BCAS3: variants seen among roughly 807,000 people sequenced by gnomAD.
The protein encoded by BCAS3 is BCAS3 microtubule associated cell migration factor.
Under a neutral mutation model 116.1 loss-of-function variants are expected in BCAS3, and 53 were observed. The observed-to-expected ratio is 0.46, with a 90% CI of 0.37 to 0.57. BCAS3 has a LOEUF of 0.57. BCAS3 is among the 20% of genes least tolerant of loss of function. The pLI, the probability that BCAS3 is intolerant of heterozygous loss-of-function variation, is 0.00. For synonymous variants in BCAS3, 391 were observed against 408.2 expected, an observed-to-expected ratio of 0.96 and a Z score of 0.51; for missense variants, 917 against 1,165.4, an observed-to-expected ratio of 0.79 and a Z score of 3.10.
rs2079927052 is a variant in BCAS3, at chr17:61,188,830, G to T, written c.2425+104266G>T. 6.6e-6 allele frequency among the ~76,000 whole-genome samples: 1 copy of T among 152,204 alleles called. No homozygotes were observed. The highest frequency in any genetic ancestry group is 2.1e-4 in the South Asian group (1 of 4,830). Reference sequence around the variant, plus strand: ...TTATTCAGTAAAGAATGGCATACTTGCCGGGCATGGTGGCTCATGCCTATA... The same window carrying T: ...TTATTCAGTAAAGAATGGCATACTTTCCGGGCATGGTGGCTCATGCCTATA... On this transcript the variant is annotated intron_variant, in intron 22 of 23. Transcript: ENST00000407086. The surrounding 1 kb of genome is among the most constrained non-coding windows in gnomAD (Gnocchi z 4.0).
At chr17:60,841,546 A>ATTTTTTTTTTTTTTTTTTT (rs754447784) in intron 7 of BCAS3, among the ~76,000 whole-genome samples, 2 of 123,486 alleles carry the variant, frequency 1.6e-5, no homozygotes, top group African/African-American at 7.0e-5. Flanking sequence ...CACCTGGCTA[A>ATTTTTTTTTTTTTTTTTTT]TTTTTTTTTT....
intron 8 of BCAS3, among the ~76,000 whole-genome samples, chr17:60,870,547 T>C (rs947720687): frequency 1.3e-5 from 2 of 152,160 alleles, no homozygotes; most frequent in African/African-American, 4.8e-5. Flanking sequence ...AGAGAAGATA[T>C]GATGTAAACC....
At chr17:61,374,568 ATTC>A (rs546528057) in intron 23 of BCAS3, among the ~76,000 whole-genome samples, 49 of 152,212 alleles carry the variant, frequency 3.2e-4, no homozygotes, top group Middle Eastern at 3.4e-3. Context: ...GGGCTCACTG[ATTC>A]TTCTTTACAG....
rs2048218960 is a variant in BCAS3, at chr17:61,249,546, C to T, written c.2426-118781C>T. ...ACAGCAGAGATGGACTCTAGTGTCC[C>T]AACATAGAATTGTGTCTCTGGCTGA... On this transcript the variant is annotated intron_variant, in intron 22 of 23. Transcript: ENST00000407086. This position sits in a 1 kb window ranked among gnomAD's most constrained non-coding sequence, Gnocchi z 6.2. 6.6e-6 allele frequency among the ~76,000 whole-genome samples: 1 copy of T among 152,212 alleles called. No homozygotes were observed.
chr17:60,989,644 C>A (rs111287200), intron 14 of BCAS3, among the ~76,000 whole-genome samples: 3,347 of 152,222 alleles, frequency 0.022, 51 homozygotes, highest in Non-Finnish European at 0.036. Context: ...TGAGCCACTG[C>A]AGATACATGA....
intron 6 of BCAS3, among the ~76,000 whole-genome samples, chr17:60,800,620 ATTATC>A (rs528138089): frequency 1.1e-4 from 16 of 152,202 alleles, no homozygotes; most frequent in Non-Finnish European, 2.2e-4. Context: ...GATTTTAAAA[ATTATC>A]TTATGGATCA....
intron 22 of BCAS3, among the ~76,000 whole-genome samples, chr17:61,112,956 T>C (rs1233601628): frequency 1.4e-5 from 2 of 140,162 alleles, no homozygotes; most frequent in African/African-American, 5.1e-5. Context: ...CTCAACTACA[T>C]GGAAACTGAA....
chr17:60,770,834 GTTTTT>G (rs60854011), intron 6 of BCAS3, among the ~76,000 whole-genome samples: 3 of 76,726 alleles, frequency 3.9e-5, no homozygotes, highest in Admixed American at 1.7e-4. Context: ...ACTGAAATTT[GTTTTT>G]TTTTTTTTTT....
Position 61,356,247 on chromosome 17 carries a change from G to A in BCAS3, c.2426-12080G>A, listed in dbSNP as rs963599401. ...GACCTCAGGTGATCCACACGCCTCGGCCTCCCAAAGTGCTGGGATTACAGG... is the reference window on the plus strand; with the variant it reads ...GACCTCAGGTGATCCACACGCCTCGACCTCCCAAAGTGCTGGGATTACAGG... On this transcript the variant is annotated intron_variant, in intron 22 of 23. Coordinates refer to ENST00000407086, the MANE Select transcript of BCAS3 (RefSeq NM_017679.5). The surrounding 1 kb of genome is among the most constrained non-coding windows in gnomAD (Gnocchi z 5.4). 3.9e-5 allele frequency among the ~76,000 whole-genome samples: 6 copies of A among 152,214 alleles called. No homozygotes were observed. The highest frequency in any genetic ancestry group is 1.4e-4 in the African/African-American group (6 of 41,446).
intron 22 of BCAS3, among the ~76,000 whole-genome samples, chr17:61,240,758 A>G (rs2047443645): frequency 6.6e-6 from 1 of 152,234 alleles, no homozygotes; most frequent in South Asian, 2.1e-4. Context: ...GTTATTCACT[A>G]GAACAGATTC....
intron 7 of BCAS3, among the ~76,000 whole-genome samples, chr17:60,853,355 G>A (rs7210428): frequency 0.29 from 43,330 of 152,032 alleles, 9,852 homozygotes; most frequent in African/African-American, 0.63. Flanking sequence ...AAAATTATGT[G>A]AAATGAGTTA....
At position 61,097,201 on chromosome 17, in the gene BCAS3, C is replaced by A. The variant is rs2074032143; in HGVS notation, c.2425+12637C>A. Among the ~76,000 whole-genome samples, 1 of 152,092 alleles carries A rather than the reference C, an allele frequency of 6.6e-6. No individual in the cohort carries two copies. The highest frequency in any genetic ancestry group is 2.4e-5 in the African/African-American group (1 of 41,416). Reference sequence around the variant, plus strand: ...TTTTTTTCTTTTTTCTTTTTTGAGACTGAGTCTCGCTCTGTCACCCAGGCT... The same window carrying A: ...TTTTTTTCTTTTTTCTTTTTTGAGAATGAGTCTCGCTCTGTCACCCAGGCT... On this transcript the variant is annotated intron_variant, in intron 22 of 23. Transcript: ENST00000407086. This position sits in a 1 kb window ranked among gnomAD's most constrained non-coding sequence, Gnocchi z 4.0.
chr17:61,143,409 A>G (rs547878121), intron 22 of BCAS3, among the ~76,000 whole-genome samples: 51 of 152,350 alleles, frequency 3.3e-4, no homozygotes, highest in Non-Finnish European at 6.0e-4. Context: ...ACTTCCCACA[A>G]ATGTAGAATA....
rs796863468 is a variant in BCAS3, at chr17:61,012,684, A to G, written c.1487-3067A>G. Among the ~76,000 whole-genome samples the G allele has an allele frequency of 3.3e-5, 5 of 152,034 alleles. No individual in the cohort carries two copies. The highest frequency in any genetic ancestry group is 1.3e-4 in the Admixed American group (2 of 15,246). ...GATGTGCTGGTTTCAAATGGACTCT[A>G]CAGCATAAACACAGGAGCAGGCTGA... On this transcript the variant is annotated intron_variant, in intron 15 of 23. Transcript: ENST00000407086. The surrounding 1 kb of genome is among the most constrained non-coding windows in gnomAD (Gnocchi z 4.5).
chr17:60,902,400 G>A (rs572699817), intron 10 of BCAS3, among the ~76,000 whole-genome samples: 69 of 152,258 alleles, frequency 4.5e-4, no homozygotes, highest in Admixed American at 2.5e-3. Flanking sequence ...AATGAAAACC[G>A]TAGTTGAGCA....
chr17:60,995,290 T>C lies in BCAS3; in HGVS notation c.1486+5055T>C, dbSNP rs1342401111. On this transcript the variant is annotated intron_variant, in intron 15 of 23. Coordinates refer to ENST00000407086, the MANE Select transcript of BCAS3 (RefSeq NM_017679.5). The surrounding 1 kb of genome is among the most constrained non-coding windows in gnomAD (Gnocchi z 4.7). ...GCTTCAGCCTCCCAAGTAGCTGGGATTACAGGTGCCCGCCACCATGCCTGG... is the reference window on the plus strand; with the variant it reads ...GCTTCAGCCTCCCAAGTAGCTGGGACTACAGGTGCCCGCCACCATGCCTGG... Among the ~76,000 whole-genome samples the C allele has an allele frequency of 6.6e-6, 1 of 152,178 alleles. No individual in the cohort carries two copies.
intron 19 of BCAS3, among the ~76,000 whole-genome samples, chr17:61,064,653 T>C (rs2070424177): frequency 1.3e-5 from 2 of 152,178 alleles, no homozygotes; most frequent in Non-Finnish European, 2.9e-5. Flanking sequence ...AATCTATTAG[T>C]TTATAGACAG....
intron 7 of BCAS3, among the ~76,000 whole-genome samples, chr17:60,856,590 T>A (rs944335950): frequency 1.3e-5 from 2 of 151,888 alleles, no homozygotes; most frequent in Admixed American, 1.3e-4. Flanking sequence ...ACACAGGAGG[T>A]TGAGGCATGA....
intron 4 of BCAS3, among the ~76,000 whole-genome samples, chr17:60,708,587 G>A (rs1430378639): frequency 3.3e-5 from 5 of 152,064 alleles, no homozygotes; most frequent in African/African-American, 1.2e-4. Context: ...CTAGAGTGCA[G>A]TGGTGCAATC....
Sources: gnomAD v4.1 joint callset for allele counts (sites outside exome capture counted in the v4.1 genomes callset) on GRCh38, gnomAD v4.1.1 for gene constraint, Gnocchi (gnomAD v3.1) non-coding constraint, MANE v1.5 for transcripts, NCBI Gene and HGNC (gene_info 2026-07-23, HGNC 2026-07-21) for gene names.